The following IMMP2L variants were observed in gnomAD, a reference collection of about 807,000 sequenced individuals.
IMMP2L encodes the protein inner mitochondrial membrane peptidase subunit 2.
A neutral mutation model predicts 19.3 loss-of-function variants in IMMP2L; 18 were observed. The ratio of observed to expected loss-of-function variants is 0.93; its 90% CI spans 0.64 to 1.38. IMMP2L has a LOEUF of 1.38. Among genes scored for constraint, IMMP2L ranks in the 40% most tolerant of loss-of-function variants. The pLI is 0.00. For missense variants in IMMP2L, 233 were observed against 218.2 expected (o/e 1.07, Z -0.43); for synonymous variants, 76 against 73.0 (o/e 1.04, Z -0.21).
intron 3 of IMMP2L, among the ~76,000 whole-genome samples, chr7:110,974,940 C>G (rs1820535666): frequency 6.6e-6 from 1 of 152,080 alleles, no homozygotes; most frequent in Admixed American, 6.6e-5. Context: ...AATTATAATT[C>G]CTTAAGTCCT....
chr7:111,142,907 C>T (rs975560172), intron 3 of IMMP2L, among the ~76,000 whole-genome samples: 3 of 152,054 alleles, frequency 2.0e-5, no homozygotes, highest in African/African-American at 7.2e-5. Flanking sequence ...ATAGTGATAT[C>T]TTTTACGTTA....
chr7:111,152,134 T>C (rs1189017731), intron 3 of IMMP2L, among the ~76,000 whole-genome samples: 3 of 152,162 alleles, frequency 2.0e-5, no homozygotes, highest in African/African-American at 4.8e-5. Context: ...GGTGAGGTTA[T>C]TGAAGCTGGA....
chr7:110,726,636 G>A (rs1254431589), intron 5 of IMMP2L, among the ~76,000 whole-genome samples: 3 of 152,142 alleles, frequency 2.0e-5, no homozygotes, highest in Admixed American at 2.0e-4. Context: ...TGAAGAATAG[G>A]AGATCTCTTT....
At chr7:111,485,087 C>T (rs866836032) in intron 3 of IMMP2L, among the ~76,000 whole-genome samples, 1 of 151,976 alleles carries the variant, frequency 6.6e-6, no homozygotes, top group African/African-American at 2.4e-5. Context: ...CTGGCCCTGA[C>T]CTAAAAAAAT....
At position 111,539,204 on chromosome 7, in the gene IMMP2L, A is replaced by AGGAAGGAAGGAAGGAAGGAAGG. The variant is rs879777334; in HGVS notation, c.-2-17756_-2-17755insCCTTCCTTCCTTCCTTCCTTCC. Among the ~76,000 whole-genome samples, 4 of 34,004 alleles carry AGGAAGGAAGGAAGGAAGGAAGG rather than the reference A, an allele frequency of 1.2e-4. 2 individuals are homozygous for AGGAAGGAAGGAAGGAAGGAAGG. Among genetic ancestry groups the AGGAAGGAAGGAAGGAAGGAAGG allele is most frequent in the African/African-American group, 4.7e-4 (4 of 8,598 alleles). 22.3% of individuals were successfully genotyped at this position (34,004 alleles called of 152,430 possible). ...GGAAGGAAGGAAGGAGGGAGAAAGA[A>AGGAAGGAAGGAAGGAAGGAAGG]AGAAAGAAAGAAAGAAAGAAAGAAA... On this transcript the variant is annotated intron_variant, in intron 1 of 5. Transcript: ENST00000405709.
chr7:110,786,750 T>C (rs942478462), intron 5 of IMMP2L, among the ~76,000 whole-genome samples: 11 of 152,034 alleles, frequency 7.2e-5, no homozygotes, highest in African/African-American at 2.7e-4. Flanking sequence ...TGAGACATGA[T>C]GTATTTAATT....
At chr7:111,395,130 C>T (rs140159431) in intron 3 of IMMP2L, 109 of 156,220 alleles carry the variant, frequency 7.0e-4, no homozygotes, top group African/African-American at 2.5e-3. Flanking sequence ...GCAGCTGTGA[C>T]GGGACTGGCC....
At chr7:111,304,627 T>C (rs1407696087) in intron 3 of IMMP2L, among the ~76,000 whole-genome samples, 1 of 151,530 alleles carries the variant, frequency 6.6e-6, no homozygotes, top group Non-Finnish European at 1.5e-5. Flanking sequence ...TATGGGTGTA[T>C]ATACATACAT....
At chr7:110,700,296 A>G (rs1310691131) in intron 5 of IMMP2L, among the ~76,000 whole-genome samples, 1 of 152,158 alleles carries the variant, frequency 6.6e-6, no homozygotes, top group African/African-American at 2.4e-5. Context: ...CACTTAATTG[A>G]AGCCATTCTG....
At chr7:110,718,607 T>C (rs1263190830) in intron 5 of IMMP2L, among the ~76,000 whole-genome samples, 1 of 152,160 alleles carries the variant, frequency 6.6e-6, no homozygotes, top group Non-Finnish European at 1.5e-5. Flanking sequence ...GAAGCTAGCC[T>C]GGGAGGAGGT....
chr7:111,309,533 T>C (rs533386590), intron 3 of IMMP2L, among the ~76,000 whole-genome samples: 56 of 152,278 alleles, frequency 3.7e-4, no homozygotes, highest in African/African-American at 9.6e-4. Context: ...CTTTTTCACA[T>C]AGATTCACTC....
chr7:111,468,899 A>T (rs1490017419), intron 3 of IMMP2L, among the ~76,000 whole-genome samples: 1 of 152,132 alleles, frequency 6.6e-6, no homozygotes, highest in Non-Finnish European at 1.5e-5. Context: ...AATAATCAAA[A>T]TAGTAACCAG....
At chr7:111,235,039 T>A (rs576730304) in intron 3 of IMMP2L, among the ~76,000 whole-genome samples, 131 of 152,316 alleles carry the variant, frequency 8.6e-4, no homozygotes, top group African/African-American at 3.1e-3. Flanking sequence ...CTGATAACAT[T>A]TTTCTTCTGT....
chr7:111,135,313 GATTTA>G (rs1802230028), intron 3 of IMMP2L, among the ~76,000 whole-genome samples: 2 of 152,182 alleles, frequency 1.3e-5, no homozygotes, highest in South Asian at 4.2e-4. Context: ...TTATGCCTGG[GATTTA>G]ATTTATTATC....
chr7:110,969,424 G>A (rs1436807482), intron 3 of IMMP2L, among the ~76,000 whole-genome samples: 1 of 151,912 alleles, frequency 6.6e-6, no homozygotes, highest in African/African-American at 2.4e-5. Context: ...ATCCTCTCAA[G>A]CACGGAGCTT....
chr7:111,224,712 A>C (rs1262884597), intron 3 of IMMP2L, among the ~76,000 whole-genome samples: 1 of 152,112 alleles, frequency 6.6e-6, no homozygotes, highest in Non-Finnish European at 1.5e-5. Flanking sequence ...AATGATATTA[A>C]AATGTTATTT....
chr7:110,751,953 C>A (rs760174698), intron 5 of IMMP2L, among the ~76,000 whole-genome samples: 1 of 151,976 alleles, frequency 6.6e-6, no homozygotes, highest in East Asian at 1.9e-4. Context: ...TCCCAATTGG[C>A]GGGAAAGATT....
At chr7:111,510,251 A>G (rs976999480) in intron 2 of IMMP2L, among the ~76,000 whole-genome samples, 2 of 152,178 alleles carry the variant, frequency 1.3e-5, no homozygotes, top group African/African-American at 4.8e-5. Flanking sequence ...TCAGTGGTAT[A>G]ACACAATAGT....
At chr7:110,685,923 C>T (rs1793078142) in intron 5 of IMMP2L, among the ~76,000 whole-genome samples, 1 of 152,030 alleles carries the variant, frequency 6.6e-6, no homozygotes, top group Non-Finnish European at 1.5e-5. Flanking sequence ...AAAGAAATGG[C>T]TTTTAGTTAA....
Sources: gnomAD v4.1 joint callset for allele counts (sites outside exome capture counted in the v4.1 genomes callset) on GRCh38, gnomAD v4.1.1 for gene constraint, MANE v1.5 for transcripts, NCBI Gene and HGNC (gene_info 2026-07-23, HGNC 2026-07-21) for gene names.